The following GALNTL6 variants were observed in gnomAD, a reference collection of about 807,000 sequenced individuals.
GALNTL6 encodes the protein polypeptide N-acetylgalactosaminyltransferase-like 6.
GALNTL6 carries 46 observed loss-of-function variants against 73.7 expected under a neutral mutation model. The ratio of observed to expected loss-of-function variants is 0.62; its 90% confidence interval spans 0.49 to 0.80. The LOEUF (loss-of-function observed/expected upper bound fraction) is 0.80. Ranked by LOEUF, GALNTL6 falls within the 30% of genes least tolerant of loss-of-function variation. The pLI, the probability that GALNTL6 is intolerant of heterozygous loss-of-function variation, is 0.00. For missense variants in GALNTL6, 604 were observed against 755.0 expected, an observed-to-expected ratio of 0.80 and a Z score of 2.34; for synonymous variants, 259 against 263.7, an observed-to-expected ratio of 0.98 and a Z score of 0.17.
At chr4:172,013,775 T>G (rs7681032) in intron 2 of GALNTL6, among the ~76,000 whole-genome samples, 99,981 of 151,704 alleles carry the variant, frequency 0.66, 36,341 homozygotes, top group Non-Finnish European at 0.81. Context: ...AGTCACCTTG[T>G]TGTGACATGA....
intron 5 of GALNTL6, among the ~76,000 whole-genome samples, chr4:172,614,921 C>T (rs917731428): frequency 6.6e-6 from 1 of 152,086 alleles, no homozygotes; most frequent in Admixed American, 6.6e-5. Context: ...CAACCGTGAG[C>T]AGAAAGTTTA....
chr4:172,295,159 C>T (rs1215286746), intron 3 of GALNTL6, among the ~76,000 whole-genome samples: 1 of 152,098 alleles, frequency 6.6e-6, no homozygotes, highest in African/African-American at 2.4e-5. Context: ...TGGTGGCTCA[C>T]GTCTGTAATG....
chr4:171,874,072 T>C (rs1225491842), intron 2 of GALNTL6, among the ~76,000 whole-genome samples: 1 of 152,236 alleles, frequency 6.6e-6, no homozygotes, highest in East Asian at 1.9e-4. Context: ...TTTCTGTCTA[T>C]TAACTTCCTC....
At chr4:171,960,502 A>G (rs1465303511) in intron 2 of GALNTL6, among the ~76,000 whole-genome samples, 1 of 151,842 alleles carries the variant, frequency 6.6e-6, no homozygotes, top group Non-Finnish European at 1.5e-5. Flanking sequence ...CTGGTCTCGA[A>G]CTCCTGATCT....
At chr4:172,309,790 A>C (rs1740283782) in intron 3 of GALNTL6, among the ~76,000 whole-genome samples, 2 of 152,062 alleles carry the variant, frequency 1.3e-5, no homozygotes, top group African/African-American at 2.4e-5. Flanking sequence ...TATAAAAATA[A>C]ATAACTTTAG....
At chr4:172,912,099 C>CA (rs1357221149) in intron 8 of GALNTL6, among the ~76,000 whole-genome samples, 15 of 152,320 alleles carry the variant, frequency 9.8e-5, no homozygotes, top group African/African-American at 3.6e-4. Flanking sequence ...GTTTGCCCCC[C>CA]ACACAAGAGG....
intron 10 of GALNTL6, among the ~76,000 whole-genome samples, chr4:172,953,241 G>A (rs1425990045): frequency 1.3e-5 from 2 of 152,152 alleles, no homozygotes; most frequent in Non-Finnish European, 2.9e-5. Flanking sequence ...CACTGGGTTC[G>A]GTTCCATTCA....
rs1735240469 is a variant in GALNTL6 at position 172,181,461 on chromosome 4, G to A, written c.139-48195G>A. Among the ~76,000 whole-genome samples, 4 of 151,996 alleles carry A rather than the reference G, an allele frequency of 2.6e-5. 1 individual carries two copies. The South Asian group carries it at 8.3e-4, about 31-fold the overall frequency. ...AATAACATATCTCAAAATAGTAAGA[G>A]CTATTTATGACAAACCCACAGCCAA... On this transcript the variant is annotated intron_variant, in intron 2 of 12. Transcript: ENST00000506823.
chr4:172,835,451 G>A (rs1742861032), intron 7 of GALNTL6, among the ~76,000 whole-genome samples: 1 of 152,244 alleles, frequency 6.6e-6, no homozygotes, highest in Non-Finnish European at 1.5e-5. Context: ...AGTTTTAACA[G>A]TCTTGGCTCC....
At chr4:172,983,088 A>G (rs529447761) in intron 10 of GALNTL6, among the ~76,000 whole-genome samples, 2 of 152,330 alleles carry the variant, frequency 1.3e-5, no homozygotes, top group East Asian at 3.9e-4. Flanking sequence ...ACCACTACAC[A>G]TTCTACGCAT....
At chr4:172,790,147 C>T (rs373793034) in intron 5 of GALNTL6, among the ~76,000 whole-genome samples, 3 of 152,158 alleles carry the variant, frequency 2.0e-5, no homozygotes, top group Admixed American at 6.5e-5. Flanking sequence ...TCATCCAGGG[C>T]GTCTGCAGAA....
intron 2 of GALNTL6, among the ~76,000 whole-genome samples, chr4:171,890,087 A>G (rs919498586): frequency 8.5e-5 from 13 of 152,240 alleles, no homozygotes; most frequent in African/African-American, 2.9e-4. Flanking sequence ...GAAATATTCT[A>G]AAGGAATAGT....
In GALNTL6 at chr4:172,348,559, C is replaced by T; in HGVS notation, c.423C>T (p.Asn141=). The change falls in exon 5 of 13, where the codon AAC becomes AAT. Residue 141 remains asparagine, a synonymous_variant. Coordinates refer to ENST00000506823, the MANE Select transcript of GALNTL6 (RefSeq NM_001034845.3). Reference sequence around the variant, plus strand: ...AGATGTATCTGGAAAGGCTGCCAAACACCAGCATCATTATCCCATTTCATA... The same window carrying T: ...AGATGTATCTGGAAAGGCTGCCAAATACCAGCATCATTATCCCATTTCATA... The part of the protein sequence containing the change: ...KHKMYLERLP[N]TSIIIPFHNE... 6.2e-7 allele frequency: 1 copy of T among 1,613,002 alleles called. No homozygotes were observed. The highest frequency in any genetic ancestry group is 8.5e-7 in the Non-Finnish European group (1 of 1,179,208).
chr4:171,840,084 T>C (rs1418138061), intron 2 of GALNTL6, among the ~76,000 whole-genome samples: 48 of 152,206 alleles, frequency 3.2e-4, no homozygotes, highest in Non-Finnish European at 4.4e-5. Flanking sequence ...TTTACTTTCA[T>C]GGCAGTAAGC....
chr4:172,282,718 G>C (rs538487439), intron 3 of GALNTL6, among the ~76,000 whole-genome samples: 9 of 150,354 alleles, frequency 6.0e-5, no homozygotes, highest in Non-Finnish European at 1.2e-4. Flanking sequence ...TTAGAAATCA[G>C]TAACTAAAAG....
intron 7 of GALNTL6, among the ~76,000 whole-genome samples, chr4:172,870,337 T>C (rs1229571555): frequency 1.3e-5 from 2 of 152,164 alleles, no homozygotes; most frequent in East Asian, 1.9e-4. Context: ...AAACCACTAG[T>C]ATTGCAGGCT....
intron 3 of GALNTL6, among the ~76,000 whole-genome samples, chr4:172,280,017 A>G (rs1326447383): frequency 6.6e-6 from 1 of 152,184 alleles, no homozygotes; most frequent in Non-Finnish European, 1.5e-5. Flanking sequence ...CCTATATTAC[A>G]TATCTGGAGT....
intron 5 of GALNTL6, among the ~76,000 whole-genome samples, chr4:172,699,484 T>C (rs549062577): frequency 1.3e-5 from 2 of 152,162 alleles, no homozygotes; most frequent in Non-Finnish European, 2.9e-5. Context: ...ATGAGTTTAT[T>C]TTATAAATAA....
At chr4:172,850,551 C>T (rs893446701) in intron 7 of GALNTL6, among the ~76,000 whole-genome samples, 4 of 152,144 alleles carry the variant, frequency 2.6e-5, no homozygotes, top group African/African-American at 9.6e-5. Context: ...TCCTCACCAA[C>T]AACCAATTCT....
Sources: gnomAD v4.1 joint callset for allele counts (sites outside exome capture counted in the v4.1 genomes callset) on GRCh38, gnomAD v4.1.1 for gene constraint, MANE v1.5 for transcripts, NCBI Gene and HGNC (gene_info 2026-07-23, HGNC 2026-07-21) for gene names.